Variants in BRF1 observed in about 807,000 individuals in gnomAD.
BRF1 encodes the protein BRF1 general transcription factor IIIB subunit.
A neutral mutation model predicts 81.7 loss-of-function variants in BRF1; 59 were observed. The observed-to-expected ratio is 0.72, with a 90% CI of 0.59 to 0.90. The LOEUF (loss-of-function observed/expected upper bound fraction) is 0.90, where lower values mean the gene tolerates loss of function less well. Among genes scored for constraint, BRF1 ranks in the 40% least tolerant of loss-of-function variants. The probability of loss-of-function intolerance (pLI) is 0.00; values close to 1 mark genes in which losing one functional copy is unlikely to be tolerated. For synonymous variants in BRF1, 491 were observed against 395.6 expected, an observed-to-expected ratio of 1.24 and a Z score of -2.86; for missense variants, 1,050 against 936.3, an observed-to-expected ratio of 1.12 and a Z score of -1.58.
Position 105,217,575 on chromosome 14 carries a change from C to T in BRF1, c.1741G>A (p.Gly581Arg), listed in dbSNP as rs1226364495. Residue 581 changes from glycine to arginine, a missense_variant, in exon 15 of 18, where the codon GGG becomes AGG. Gly to Arg is a moderately radical substitution (Grantham distance 125). Coordinates refer to ENST00000547530, the MANE Select transcript of BRF1 (RefSeq NM_001519.4). ...CCCACACTGGTCACAGGGTCAGCCCCACTTCTGCTGGCCGGCGTCCTCCTT... is the reference window on the plus strand; with the variant it reads ...CCCACACTGGTCACAGGGTCAGCCCTACTTCTGCTGGCCGGCGTCCTCCTT... ...SRRRTPASRS[G>R]ADPVTSVGKR... 6.2e-7 allele frequency: 1 copy of T among 1,613,564 alleles called. No homozygotes were observed. The highest frequency in any genetic ancestry group is 8.5e-7 in the Non-Finnish European group (1 of 1,179,990).
In BRF1 at chr14:105,226,397, G is replaced by T. The variant is rs1284449060; in HGVS notation, c.916-107C>A. 2.1e-5 allele frequency: 32 copies of T among 1,519,304 alleles called. 1 individual carries two copies. In the Admixed American group the frequency reaches 4.3e-4, roughly 21 times the overall value. 94.1% of individuals were successfully genotyped at this position (1,519,304 alleles called of 1,614,324 possible). On this transcript the variant is annotated intron_variant, in intron 8 of 17. Coordinates refer to ENST00000547530, the MANE Select transcript of BRF1 (RefSeq NM_001519.4). ...GGGACCACAGGCTGCTAGAACTTAG[G>T]GGTACGCAGCGATGGAGGTGGAGCT...
At chr14:105,248,377 GGCCGCCTGCCAGCGCCGGGA>G in intron 5 of BRF1, 10 of 985,420 alleles carry the variant, frequency 1.0e-5, no homozygotes, top group Non-Finnish European at 1.2e-5. Flanking sequence ...GTCTGGGGGC[GGCCGCCTGCCAGCGCCGGGA>G]GCCGCCTTCC....
chr14:105,227,245 C>G (rs1165128355), intron 7 of BRF1: 1 of 159,156 alleles, frequency 6.3e-6, no homozygotes, highest in Admixed American at 6.5e-5. Flanking sequence ...ACGGTGAAAC[C>G]CCATCTCTAT....
rs1313929335 is a variant in BRF1 at position 105,211,131 on chromosome 14, C to T, written c.1987G>A (p.Gly663Ser). The T allele has an allele frequency of 6.2e-7, 1 of 1,612,540 alleles. No individual in the cohort carries two copies. The highest frequency in any genetic ancestry group is 1.7e-5 in the Admixed American group (1 of 60,000). ...EPCVSALQMMGSNDYGCDGDE... is the reference protein window; with the variant it reads ...EPCVSALQMMSSNDYGCDGDE... Reference sequence around the variant, plus strand: ...GTCGGGCCCCACCCACCGTTGCTGCCCATCATCTGCAGGGCACTGACGCAG... The same window carrying T: ...GTCGGGCCCCACCCACCGTTGCTGCTCATCATCTGCAGGGCACTGACGCAG... Residue 663 changes from glycine to serine, a missense_variant, in exon 17 of 18, where the codon GGC becomes AGC. Transcript: ENST00000547530.
chr14:105,215,390 GCACACAAAAACTTA>G (rs1483571380), intron 15 of BRF1, among the ~76,000 whole-genome samples: 1 of 151,502 alleles, frequency 6.6e-6, no homozygotes, highest in Non-Finnish European at 1.5e-5. Context: ...ACCTGCATTT[GCACACAAAAACTTA>G]CACACATGCA....
intron 3 of BRF1, among the ~76,000 whole-genome samples, chr14:105,264,395 T>C (rs779674697): frequency 2.0e-5 from 3 of 151,682 alleles, no homozygotes; most frequent in Non-Finnish European, 2.9e-5. Flanking sequence ...CCAGGCGCGA[T>C]TGCTCACACC....
At chr14:105,249,190 C>A in intron 5 of BRF1, 4 of 1,588,770 alleles carry the variant, frequency 2.5e-6, no homozygotes, top group South Asian at 1.1e-5. Context: ...AGCTCATGGC[C>A]GACGTGCACT....
intron 3 of BRF1, 140 bp downstream of exon 3, chr14:105,272,581 C>A (rs1461031986): frequency 3.5e-6 from 4 of 1,150,740 alleles, no homozygotes; most frequent in Non-Finnish European, 4.7e-6. Context: ...CCTGGATCAA[C>A]TGAAACAGTT....
intron 1 of BRF1, among the ~76,000 whole-genome samples, chr14:105,299,967 C>G (rs2057919519): frequency 6.6e-6 from 1 of 152,266 alleles, no homozygotes; most frequent in South Asian, 2.1e-4. Context: ...CTTCCACAGG[C>G]TGGGGTCCAT....
At chr14:105,228,712 C>G (rs187619995) in intron 7 of BRF1, 108 bp downstream of exon 7, 8 of 1,278,608 alleles carry the variant, frequency 6.3e-6, no homozygotes, top group Middle Eastern at 2.0e-4. Context: ...AGCAGCCAGG[C>G]GGGGGACGGC....
rs763799830 is a variant in BRF1 at position 105,226,699 on chromosome 14, C to T, written c.850G>A (p.Asp284Asn). 12 of 1,613,550 alleles carry T rather than the reference C, an allele frequency of 7.4e-6. No homozygotes were observed. Among genetic ancestry groups the T allele is most frequent in the South Asian group, 3.3e-5 (3 of 91,094 alleles). The change falls in exon 8 of 18, where the codon GAC (aspartate) becomes AAC (asparagine). Residue 284 changes from aspartate to asparagine, a missense_variant. By Grantham distance (23) the Asp-to-Asn change is conservative. Around this residue, in one of 2 missense-constraint regions of BRF1, gnomAD observed 1,043 missense variants for 915.4 expected, o/e 1.14. Coordinates refer to ENST00000547530, the MANE Select transcript of BRF1 (RefSeq NM_001519.4). ...QLTIDEFMKI[D>N]LEEECDPPSY... ...GGGGGGTCGCACTCCTCCTCCAGGT[C>T]GATCTTCATGAACTCATCAATGGTC...
At chr14:105,253,888 C>A (rs181710028) in intron 4 of BRF1, among the ~76,000 whole-genome samples, 8 of 152,376 alleles carry the variant, frequency 5.3e-5, no homozygotes, top group African/African-American at 1.7e-4. Flanking sequence ...GGCGTGTCAG[C>A]ACATGTAGTG....
chr14:105,265,706 G>A (rs11624929), intron 3 of BRF1, among the ~76,000 whole-genome samples: 32,790 of 151,928 alleles, frequency 0.22, 4,036 homozygotes, highest in Middle Eastern at 0.27. Flanking sequence ...GACCATCCTG[G>A]CTAACACAGT....
Position 105,315,063 on chromosome 14 carries a change from TC to T in BRF1, c.-162+258del. On this transcript the variant is annotated intron_variant, in intron 1 of 17. Transcript: ENST00000327359. This position sits in a 1 kb window ranked among gnomAD's most constrained non-coding sequence, Gnocchi z 4.4. Reference sequence around the variant, plus strand: ...GTACGCGCCGCCCGCCGCGCTTTGTTCCCGCCGGGCACCTGCTGGGGGTGTC... The same window carrying T: ...GTACGCGCCGCCCGCCGCGCTTTGTTCCGCCGGGCACCTGCTGGGGGTGTC... 1 of 1,141,420 alleles carries T rather than the reference TC, an allele frequency of 8.8e-7. No homozygotes were observed. The allele number at this position is 1,141,420 out of a possible 1,614,324, so 70.7% of individuals were successfully genotyped here.
At chr14:105,224,196 C>A (rs780825486) in intron 10 of BRF1, among the ~76,000 whole-genome samples, 24 of 152,310 alleles carry the variant, frequency 1.6e-4, no homozygotes, top group Non-Finnish European at 3.1e-4. Flanking sequence ...TGGCGAAACC[C>A]CGTTTCTACA....
intron 5 of BRF1, chr14:105,248,432 G>A (rs1031210686): frequency 4.1e-5 from 40 of 985,200 alleles, no homozygotes; most frequent in Non-Finnish European, 4.8e-5. Flanking sequence ...ACAGCGCGCG[G>A]CTCGCGCCGG....
intron 1 of BRF1, among the ~76,000 whole-genome samples, chr14:105,292,980 C>T (rs587761731): frequency 5.9e-5 from 9 of 152,324 alleles, no homozygotes; most frequent in South Asian, 2.1e-4. Context: ...ACGTGTGTCA[C>T]GCTGCAGGCT....
chr14:105,306,578 T>C (rs1019917072), intron 1 of BRF1, among the ~76,000 whole-genome samples: 3 of 151,626 alleles, frequency 2.0e-5, no homozygotes, highest in Non-Finnish European at 4.4e-5. Context: ...GCTGGGATTA[T>C]AGGCATGAGC....
intron 1 of BRF1, among the ~76,000 whole-genome samples, chr14:105,296,904 C>T (rs2057770541): frequency 6.6e-6 from 1 of 152,092 alleles, no homozygotes; most frequent in Admixed American, 6.6e-5. Flanking sequence ...GCCTATAATT[C>T]CAGCACTTTG....
Sources: allele counts gnomAD v4.1 joint callset (sites outside exome capture counted in the v4.1 genomes callset), GRCh38; gene constraint gnomAD v4.1.1; regional missense constraint gnomAD v4.1.1; non-coding constraint Gnocchi (gnomAD v3.1); transcripts MANE v1.5; gene names NCBI Gene and HGNC (gene_info 2026-07-23, HGNC 2026-07-21).